Variants in AMBRA1 observed in about 807,000 individuals in gnomAD.
The protein encoded by AMBRA1 is activating molecule in BECN1-regulated autophagy protein 1.
AMBRA1 carries 47 observed loss-of-function variants against 125.4 expected under a neutral mutation model. The ratio of observed to expected loss-of-function variants is 0.37; its 90% CI spans 0.30 to 0.48. The LOEUF is 0.48. Among genes scored for constraint, AMBRA1 ranks in the 20% least tolerant of loss-of-function variants. AMBRA1 has a pLI of 0.99. For synonymous variants in AMBRA1, 626 were observed against 655.5 expected, an observed-to-expected ratio of 0.95 and a Z score of 0.69; for missense variants, 1,331 against 1,693.4, an observed-to-expected ratio of 0.79 and a Z score of 3.76.
At chr11:46,523,484 A>G (rs1211823517) in intron 7 of AMBRA1, among the ~76,000 whole-genome samples, 1 of 152,216 alleles carries the variant, frequency 6.6e-6, no homozygotes, top group Non-Finnish European at 1.5e-5. Flanking sequence ...CATGTCAATC[A>G]ATACTACCCT....
At chr11:46,484,166 G>A (rs930199959) in intron 11 of AMBRA1, among the ~76,000 whole-genome samples, 2 of 152,206 alleles carry the variant, frequency 1.3e-5, no homozygotes, top group African/African-American at 4.8e-5. Flanking sequence ...CCTAAAGAAA[G>A]TTTGAAATGT....
intron 1 of AMBRA1, among the ~76,000 whole-genome samples, chr11:46,563,812 G>C (rs185948254): frequency 1.3e-5 from 2 of 149,340 alleles, no homozygotes; most frequent in African/African-American, 5.0e-5. Context: ...CTGTACTCCA[G>C]GCTAGTCTGG....
chr11:46,547,217 T>G lies in AMBRA1; in HGVS notation c.274A>C (p.Ile92Leu), dbSNP rs749654901. 1 of 1,614,064 alleles carries G rather than the reference T, an allele frequency of 6.2e-7. No individual in the cohort carries two copies. Among genetic ancestry groups the G allele is most frequent in the Non-Finnish European group, 8.5e-7 (1 of 1,180,024 alleles). ...CACCATGGAGTACGGCGGTGTCCAATCAGGGAATGAACACACTTGCCAGTC... is the reference window on the plus strand; with the variant it reads ...CACCATGGAGTACGGCGGTGTCCAAGCAGGGAATGAACACACTTGCCAGTC... ...VKTGKCVHSL[I>L]GHRRTPWCVT... Residue 92 changes from isoleucine (I) to leucine (L), a missense_variant, in exon 4 of 18, where the codon ATT becomes CTT. By Grantham distance (5) the Ile-to-Leu change is conservative. Around this residue, in one of 4 missense-constraint regions of AMBRA1, gnomAD observed 144 missense variants for 250.4 expected, o/e 0.58. Transcript: ENST00000683756.
rs570722761 is a variant in AMBRA1, at chr11:46,429,383, A to C, written c.2976+4091T>G. On this transcript the variant is annotated intron_variant, in intron 14 of 17. Transcript: ENST00000683756. ...GATGGAACTCGAACTCCACAGAAAA[A>C]CCTTTTCCACTTCTTACTAAACCAC... Among the ~76,000 whole-genome samples, 22 of 152,090 alleles carry C rather than the reference A, an allele frequency of 1.4e-4. No homozygotes were observed. The South Asian group carries it at 4.6e-3, about 32-fold the overall frequency.
At position 46,545,825 on chromosome 11, in the gene AMBRA1, C is replaced by T. The variant is rs577618671; in HGVS notation, c.379-49G>A. 1.9e-6 allele frequency: 3 copies of T among 1,582,698 alleles called. No homozygotes were observed. The East Asian group carries it at 6.7e-5, about 36-fold the overall frequency. On this transcript the variant is annotated intron_variant, in intron 4 of 17. Transcript: ENST00000683756. ...ATTCTCAGGTTACAAGCTACCAGCA[C>T]ACTGGGAAGTCAATTTCAAGAAAGG...
At chr11:46,544,910 AGTTCGAGACTAGCCTGGG>A (rs1952928358) in intron 5 of AMBRA1, among the ~76,000 whole-genome samples, 1 of 152,072 alleles carries the variant, frequency 6.6e-6, no homozygotes, top group Non-Finnish European at 1.5e-5. Flanking sequence ...GAAGGCCAGT[AGTTCGAGACTAGCCTGGG>A]TAACACAGTG....
At chr11:46,436,183 A>G (rs1008042132) in intron 12 of AMBRA1, among the ~76,000 whole-genome samples, 6 of 152,244 alleles carry the variant, frequency 3.9e-5, no homozygotes, top group Non-Finnish European at 8.8e-5. Context: ...GATCTACTGC[A>G]GTAATCCAAA....
At chr11:46,456,665 G>A (rs1018634945) in intron 11 of AMBRA1, among the ~76,000 whole-genome samples, 2 of 152,210 alleles carry the variant, frequency 1.3e-5, no homozygotes, top group Non-Finnish European at 2.9e-5. Flanking sequence ...AAGCACAAGC[G>A]AGTGGAATTG....
At chr11:46,405,491 G>C (rs1945965032) in intron 17 of AMBRA1, among the ~76,000 whole-genome samples, 1 of 152,070 alleles carries the variant, frequency 6.6e-6, no homozygotes, top group African/African-American at 2.4e-5. Context: ...GGCCAAGAAG[G>C]GAGGCTTGCT....
rs192994989 is a variant in AMBRA1 at position 46,427,520 on chromosome 11, C to T, written c.2976+5954G>A. Among the ~76,000 whole-genome samples, 245 of 152,302 alleles carry T rather than the reference C, an allele frequency of 1.6e-3. 3 individuals are homozygous for T. The highest frequency in any genetic ancestry group is 2.4e-3 in the Non-Finnish European group (162 of 68,030). The stretch of plus-strand genomic sequence containing the variant: ...CCCATGGTTCGTTCTTAACTTAGCG[C>T]GCAGAGTCATCAGGAAGGCTTGTTA... On this transcript the variant is annotated intron_variant, in intron 14 of 17. Coordinates refer to ENST00000683756, the MANE Select transcript of AMBRA1 (RefSeq NM_001387011.1).
At chr11:46,544,202 T>C (rs1246589841) in intron 5 of AMBRA1, among the ~76,000 whole-genome samples, 161 bp from the exon 6 acceptor site, 2 of 152,184 alleles carry the variant, frequency 1.3e-5, no homozygotes, top group Non-Finnish European at 2.9e-5. Flanking sequence ...GAGATTAAAA[T>C]AGTAACACTC....
chr11:46,548,824 T>A (rs2042903367), intron 1 of AMBRA1, among the ~76,000 whole-genome samples: 1 of 152,122 alleles, frequency 6.6e-6, no homozygotes, highest in Admixed American at 6.5e-5. Flanking sequence ...AAACCCCGTC[T>A]CTACTAAAAT....
chr11:46,524,688 A>C (rs1591028435), intron 7 of AMBRA1, among the ~76,000 whole-genome samples: 2 of 152,342 alleles, frequency 1.3e-5, no homozygotes, highest in South Asian at 2.1e-4. Flanking sequence ...ACAGTCTAAT[A>C]AACAGCCATT....
chr11:46,576,760 A>G (rs193032656), intron 1 of AMBRA1, among the ~76,000 whole-genome samples: 2 of 152,350 alleles, frequency 1.3e-5, no homozygotes, highest in Admixed American at 1.3e-4. Context: ...TAGGAAGCCC[A>G]TTTCAAATAG....
chr11:46,583,227 C>T (rs982768941), intron 1 of AMBRA1, among the ~76,000 whole-genome samples: 2 of 151,876 alleles, frequency 1.3e-5, no homozygotes, highest in Non-Finnish European at 2.9e-5. Context: ...CTTCGACAAA[C>T]CTGAGAAAAA....
intron 7 of AMBRA1, among the ~76,000 whole-genome samples, chr11:46,522,223 A>G (rs1165162363): frequency 6.6e-6 from 1 of 152,170 alleles, no homozygotes; most frequent in Non-Finnish European, 1.5e-5. Context: ...TTTTTAATAC[A>G]TGGGTAGTTA....
Position 46,548,435 on chromosome 11 carries a change from G to A in AMBRA1, c.-55C>T. 6.2e-7 allele frequency: 1 copy of A among 1,605,698 alleles called. No homozygotes were observed. The highest frequency in any genetic ancestry group is 1.1e-5 in the South Asian group (1 of 90,888). On this transcript the variant is annotated 5_prime_UTR_variant, in exon 2 of 18. Transcript: ENST00000683756. ...CCAGGAAATGAAGGAGCAAGTAACA[G>A]CTCCAACACACTGAAGCAGCTAAAA...
At chr11:46,471,525 C>T (rs1274301062) in intron 11 of AMBRA1, among the ~76,000 whole-genome samples, 4 of 150,828 alleles carry the variant, frequency 2.7e-5, no homozygotes, top group Non-Finnish European at 5.9e-5. Flanking sequence ...TTGCAGTGAG[C>T]CGAGATCGCC....
intron 9 of AMBRA1, among the ~76,000 whole-genome samples, chr11:46,502,777 T>C (rs1167969017): frequency 6.6e-6 from 1 of 152,158 alleles, no homozygotes; most frequent in African/African-American, 2.4e-5. Context: ...TATTAAATTG[T>C]GGGCCAGATG....
Sources: allele counts gnomAD v4.1 joint callset (sites outside exome capture counted in the v4.1 genomes callset), GRCh38; gene constraint gnomAD v4.1.1; regional missense constraint gnomAD v4.1.1; transcripts MANE v1.5; gene names NCBI Gene and HGNC (gene_info 2026-07-23, HGNC 2026-07-21).